Variants in PTPRO observed in about 807,000 individuals in gnomAD.
PTPRO encodes protein tyrosine phosphatase receptor type O.
A neutral mutation model predicts 145.2 loss-of-function variants in PTPRO; 62 were observed. The observed-to-expected ratio is 0.43, with a 90% CI of 0.35 to 0.53. The LOEUF is 0.53. Ranked by LOEUF, PTPRO falls within the 20% of genes least tolerant of loss-of-function variation. The pLI is 0.01. For missense variants in PTPRO, 1,345 were observed against 1,482.7 expected (o/e 0.91, Z 1.53); for synonymous variants, 565 against 514.7 (o/e 1.10, Z -1.32).
chr12:15,486,164 T>C (rs1376416648), intron 2 of PTPRO, among the ~76,000 whole-genome samples: 2 of 152,192 alleles, frequency 1.3e-5, no homozygotes, highest in African/African-American at 4.8e-5. Flanking sequence ...TGTAAATTTG[T>C]CTATTTCTCC....
Position 15,498,891 on chromosome 12 carries a change from C to G in PTPRO, c.509-551C>G, listed in dbSNP as rs543875266. ...TACTTTTAGTTTTGTTCTCTCATTT[C>G]TTTTGAGTTGGATTGGATTTTTAGT... On this transcript the variant is annotated intron_variant, in intron 3 of 26. Coordinates refer to ENST00000281171, the MANE Select transcript of PTPRO (RefSeq NM_030667.3). Among the ~76,000 whole-genome samples the G allele has an allele frequency of 2.7e-3, 410 of 152,070 alleles. 2 individuals carry two copies. The highest frequency in any genetic ancestry group is 6.8e-3 in the Middle Eastern group (2 of 294).
At chr12:15,454,749 A>G (rs1215218793) in intron 1 of PTPRO, among the ~76,000 whole-genome samples, 3 of 152,128 alleles carry the variant, frequency 2.0e-5, no homozygotes, top group Admixed American at 2.0e-4. Flanking sequence ...ATTTTGAAAT[A>G]ATTTTTATGT....
intron 1 of PTPRO, among the ~76,000 whole-genome samples, chr12:15,419,174 T>C (rs1940064229): frequency 6.6e-6 from 1 of 150,904 alleles, no homozygotes; most frequent in Non-Finnish European, 1.5e-5. Context: ...TTCATGCGCT[T>C]ATTGAAATAA....
intron 12 of PTPRO, among the ~76,000 whole-genome samples, chr12:15,539,829 A>T (rs967438197): frequency 1.3e-5 from 2 of 148,310 alleles, no homozygotes; most frequent in Non-Finnish European, 3.0e-5. Flanking sequence ...AATGACAGAC[A>T]TTTCTAACTC....
At chr12:15,372,843 C>T (rs900348050) in intron 1 of PTPRO, among the ~76,000 whole-genome samples, 1 of 152,122 alleles carries the variant, frequency 6.6e-6, no homozygotes, top group African/African-American at 2.4e-5. Context: ...AATAAATAGA[C>T]TATCTTAGTC....
intron 1 of PTPRO, among the ~76,000 whole-genome samples, chr12:15,443,458 A>C (rs1460166955): frequency 6.6e-6 from 1 of 152,194 alleles, no homozygotes; most frequent in Non-Finnish European, 1.5e-5. Context: ...TGATGACTAA[A>C]TTCTCAAAAG....
intron 1 of PTPRO, among the ~76,000 whole-genome samples, chr12:15,474,173 A>G (rs888059261): frequency 3.9e-5 from 6 of 152,234 alleles, no homozygotes; most frequent in Non-Finnish European, 2.9e-5. Flanking sequence ...CCTGGCCCAG[A>G]TGAGGGCATT....
intron 1 of PTPRO, among the ~76,000 whole-genome samples, chr12:15,429,918 G>C (rs1940387370): frequency 6.6e-6 from 1 of 152,042 alleles, no homozygotes; most frequent in South Asian, 2.1e-4. Flanking sequence ...AGGAGTTGAA[G>C]GTGATTCCCA....
intron 16 of PTPRO, among the ~76,000 whole-genome samples, chr12:15,559,342 T>A (rs560948770): frequency 1.2e-3 from 178 of 152,320 alleles, no homozygotes; most frequent in South Asian, 0.011. Flanking sequence ...TGAAGATTTG[T>A]AATAACTGAA....
intron 14 of PTPRO, among the ~76,000 whole-genome samples, chr12:15,550,954 C>T (rs1221557214): frequency 6.6e-6 from 1 of 152,164 alleles, no homozygotes; most frequent in Admixed American, 6.6e-5. Context: ...CTTCAGGGCC[C>T]TACAACCTAT....
At chr12:15,503,086 T>A (rs1565668790) in intron 5 of PTPRO, among the ~76,000 whole-genome samples, 2 of 152,302 alleles carry the variant, frequency 1.3e-5, no homozygotes, top group South Asian at 4.2e-4. Flanking sequence ...TCAAAAGTCA[T>A]TTTCCTGGAA....
At chr12:15,565,498 A>C in intron 17 of PTPRO, 95 bp from the exon 18 acceptor site, 1 of 794,842 alleles carries the variant, frequency 1.3e-6, no homozygotes. Context: ...AAACTGAGGT[A>C]CCTGATGTAA....
In PTPRO at chr12:15,501,937, C is replaced by T. The variant is rs1942230627; in HGVS notation, c.979C>T (p.Leu327Phe). The T allele has an allele frequency of 1.9e-6, 3 of 1,613,948 alleles. No homozygotes were observed. Among genetic ancestry groups the T allele is most frequent in the East Asian group, 2.2e-5 (1 of 44,888 alleles). Residue 327 changes from leucine to phenylalanine, a missense_variant, in exon 5 of 27, where the codon CTC (leucine) becomes TTC (phenylalanine). By Grantham distance (22) the Leu-to-Phe change is conservative (BLOSUM62 0). Around this residue, in one of 3 missense-constraint regions of PTPRO, gnomAD observed 1,130 missense variants for 1,214.7 expected, o/e 0.93. Coordinates refer to ENST00000281171, the MANE Select transcript of PTPRO (RefSeq NM_030667.3). ...CATGGAATACGAAAATAACAGTACA[C>T]TCAGTGAGACAGAGAAGTCAACATC... ...LPMEYENNST[L>F]SETEKSTSGS... is the part of the protein sequence containing the mutation.
intron 10 of PTPRO, among the ~76,000 whole-genome samples, chr12:15,520,876 T>A (rs1464503951): frequency 1.3e-5 from 2 of 152,200 alleles, no homozygotes; most frequent in Admixed American, 1.3e-4. Context: ...GATAATAGTA[T>A]CAGTTATCTG....
chr12:15,366,933 AG>A (rs1278741408), intron 1 of PTPRO, among the ~76,000 whole-genome samples: 1 of 152,222 alleles, frequency 6.6e-6, no homozygotes, highest in Non-Finnish European at 1.5e-5. Context: ...TAAAAAATAC[AG>A]GTACTCAAGG....
chr12:15,496,740 A>T (rs1308564142), intron 2 of PTPRO, among the ~76,000 whole-genome samples: 3 of 152,194 alleles, frequency 2.0e-5, no homozygotes, highest in Non-Finnish European at 2.9e-5. Context: ...TCATATGGAA[A>T]AATAAGTGCT....
chr12:15,334,516 T>C (rs1866700803), intron 1 of PTPRO, among the ~76,000 whole-genome samples: 1 of 152,218 alleles, frequency 6.6e-6, no homozygotes, highest in Non-Finnish European at 1.5e-5. Context: ...TGCTATTACT[T>C]AAATAATTCA....
intron 3 of PTPRO, among the ~76,000 whole-genome samples, chr12:15,497,654 T>C (rs746769371): frequency 6.6e-6 from 1 of 152,250 alleles, no homozygotes; most frequent in Non-Finnish European, 1.5e-5. Flanking sequence ...ACTTACATGT[T>C]ACTCTTCCCT....
At chr12:15,462,983 T>C (rs559752583) in intron 1 of PTPRO, among the ~76,000 whole-genome samples, 1 of 152,288 alleles carries the variant, frequency 6.6e-6, no homozygotes, top group Non-Finnish European at 1.5e-5. Context: ...TATTGTTATA[T>C]ACTATATATA....
Sources: gnomAD v4.1 joint callset for allele counts (sites outside exome capture counted in the v4.1 genomes callset) on GRCh38, gnomAD v4.1.1 for gene constraint, gnomAD v4.1.1 regional missense constraint, MANE v1.5 for transcripts, NCBI Gene and HGNC (gene_info 2026-07-23, HGNC 2026-07-21) for gene names.